The following RBPJ variants were observed in gnomAD, a reference collection of about 807,000 sequenced individuals.
RBPJ encodes recombining binding protein suppressor of hairless.
A neutral mutation model predicts 67.8 loss-of-function variants in RBPJ; 9 were observed. The observed-to-expected ratio is 0.13, with a 90% CI of 0.08 to 0.23. The LOEUF (loss-of-function observed/expected upper bound fraction) is 0.23. Among genes scored for constraint, RBPJ ranks in the 10% least tolerant of loss-of-function variants. The pLI, the probability that RBPJ is intolerant of heterozygous loss-of-function variation, is 1.00. For synonymous variants in RBPJ, 198 were observed against 203.3 expected (o/e 0.97, Z 0.22); for missense variants, 305 against 595.6 (o/e 0.51, Z 5.08).
chr4:26,233,701 T>C (rs1719365129), intron 1 of RBPJ, among the ~76,000 whole-genome samples: 1 of 152,236 alleles, frequency 6.6e-6, no homozygotes, highest in African/African-American at 2.4e-5. Context: ...TATATGCCGT[T>C]ATGCAAAGCA....
In RBPJ at chr4:26,341,632, AC is replaced by A. The variant is rs200226544; in HGVS notation, c.20+20585del. Among the ~76,000 whole-genome samples the A allele has an allele frequency of 4.1e-3, 617 of 150,576 alleles. 5 individuals carry two copies. The highest frequency in any genetic ancestry group is 0.01 in the African/African-American group (421 of 40,978). Reference sequence around the variant, plus strand: ...CCATCTCAAAACAAAACAAAACAAAACAAAAAAAAACCAAACGAAAACAAAA... The same window carrying A: ...CCATCTCAAAACAAAACAAAACAAAAAAAAAAAAACCAAACGAAAACAAAA... On this transcript the variant is annotated intron_variant, in intron 1 of 10. Transcript: ENST00000355476.
upstream of RBPJ, chr4:26,320,917 G>A (rs185848565): frequency 9.8e-4 from 1,567 of 1,602,824 alleles, 25 homozygotes; most frequent in Admixed American, 0.025. Flanking sequence ...GAGCGCGGGG[G>A]CTGGGTGGAA....
intron 1 of RBPJ, among the ~76,000 whole-genome samples, chr4:26,283,150 C>T (rs1421855421): frequency 2.1e-5 from 3 of 146,000 alleles, no homozygotes; most frequent in African/African-American, 5.0e-5. Flanking sequence ...AGGATGGTGT[C>T]GATCTCCTGA....
At chr4:26,199,497 G>A (rs1000068664) in intron 1 of RBPJ, among the ~76,000 whole-genome samples, 2 of 152,194 alleles carry the variant, frequency 1.3e-5, no homozygotes, top group African/African-American at 2.4e-5. Flanking sequence ...ACAAAACAGT[G>A]TTGGAACACA....
At chr4:26,351,062 T>C (rs1330193288) in intron 1 of RBPJ, among the ~76,000 whole-genome samples, 2 of 152,056 alleles carry the variant, frequency 1.3e-5, no homozygotes, top group South Asian at 4.1e-4. Flanking sequence ...CACTATATTA[T>C]ATACGTTATA....
chr4:26,202,969 ATAAG>A (rs1271845522), intron 1 of RBPJ, among the ~76,000 whole-genome samples: 1 of 41,324 alleles, frequency 2.4e-5, no homozygotes, highest in Non-Finnish European at 4.8e-5. Context: ...AAGGAAGGAA[ATAAG>A]GAAGGAAGGA....
Position 26,270,427 on chromosome 4 carries a change from AAGAAAGAAAGAAGAAAGAAAGAAAGAAAG to A in RBPJ, c.-166-92017_-166-91989del, listed in dbSNP as rs1720871150. On this transcript the variant is annotated intron_variant, in intron 1 of 4. Coordinates refer to the RBPJ transcript ENST00000512351. ...AAAGAAAGAAAGAAAGAAAGAAAGA[AAGAAAGAAAGAAGAAAGAAAGAAAGAAAG>A]AAAAGAAAAGGAAAGAAAGATGAAA... Among the ~76,000 whole-genome samples the A allele has an allele frequency of 3.3e-5, 2 of 60,164 alleles. 1 individual carries two copies. Among genetic ancestry groups the A allele is most frequent in the Non-Finnish European group, 8.9e-5 (2 of 22,526 alleles). 39.5% of individuals were successfully genotyped at this position (60,164 alleles called of 152,430 possible). A position where few individuals can be genotyped will look rare whatever the true frequency, so the allele number is the denominator to read the frequency against.
At chr4:26,334,047 C>CT (rs1290572987) in intron 1 of RBPJ, among the ~76,000 whole-genome samples, 4,654 of 142,678 alleles carry the variant, frequency 0.033, 198 homozygotes, top group African/African-American at 0.097. Flanking sequence ...TCTGCCTTTT[C>CT]TTTTTTTTTT....
At chr4:26,293,317 TTTTTA>T (rs1721736231) in intron 1 of RBPJ, among the ~76,000 whole-genome samples, 1 of 150,314 alleles carries the variant, frequency 6.7e-6, no homozygotes, top group African/African-American at 2.5e-5. Flanking sequence ...TTCCTTTTTT[TTTTTA>T]TTTTGTTTAT....
At chr4:26,333,967 C>T (rs1030461178) in intron 1 of RBPJ, among the ~76,000 whole-genome samples, 1 of 151,972 alleles carries the variant, frequency 6.6e-6, no homozygotes, top group Non-Finnish European at 1.5e-5. Context: ...GTACATGGCT[C>T]GGACATAATT....
Position 26,338,951 on chromosome 4 carries a change from T to C in RBPJ, c.20+17903T>C, listed in dbSNP as rs181295477. Reference sequence around the variant, plus strand: ...ACTGCAGTCTCAACCTCCTGAGTAGTTGGAACTACAGCTGTGCGCCACCAT... The same window carrying C: ...ACTGCAGTCTCAACCTCCTGAGTAGCTGGAACTACAGCTGTGCGCCACCAT... On this transcript the variant is annotated intron_variant, in intron 1 of 10. Coordinates refer to ENST00000355476, the MANE Select transcript of RBPJ (RefSeq NM_015874.6). 2.1e-3 allele frequency among the ~76,000 whole-genome samples: 312 copies of C among 151,616 alleles called. 3 individuals carry two copies. Among genetic ancestry groups the C allele is most frequent in the African/African-American group, 7.4e-3 (304 of 41,290 alleles).
Position 26,424,099 on chromosome 4 carries a change from ACT to A in RBPJ, c.497-242_497-241del, listed in dbSNP as rs1172784952. On this transcript the variant is annotated intron_variant, in intron 5 of 10. Transcript: ENST00000355476. This position sits in a 1 kb window ranked among gnomAD's most constrained non-coding sequence, Gnocchi z 5.3. ...TAATAATCAGCACCACATTAAACATACTGTGTAGCTTTCACTTTAAAATTATT... is the reference window on the plus strand; with the variant it reads ...TAATAATCAGCACCACATTAAACATAGTGTAGCTTTCACTTTAAAATTATT... Among the ~76,000 whole-genome samples the A allele has an allele frequency of 6.6e-6, 1 of 152,248 alleles. No homozygotes were observed. Among genetic ancestry groups the A allele is most frequent in the African/African-American group, 2.4e-5 (1 of 41,466 alleles).
chr4:26,205,073 G>T lies in RBPJ; in HGVS notation c.-167+41459G>T, dbSNP rs565915528. 7.2e-5 allele frequency among the ~76,000 whole-genome samples: 11 copies of T among 152,300 alleles called. No homozygotes were observed. The South Asian group carries it at 2.3e-3, about 32-fold the overall frequency. On this transcript the variant is annotated intron_variant, in intron 1 of 4. Coordinates refer to the RBPJ transcript ENST00000512351. Reference sequence around the variant, plus strand: ...GGAGCAGAGTTACGACTGCAGGATGGGGGAGGGGCTCAGTTAAGGGCCCAG... The same window carrying T: ...GGAGCAGAGTTACGACTGCAGGATGTGGGAGGGGCTCAGTTAAGGGCCCAG...
At chr4:26,126,132 C>T in the RBPJ span, among the ~76,000 whole-genome samples, 79 of 152,286 alleles carry the variant, frequency 5.2e-4, 2 homozygotes, top group Admixed American at 3.7e-3. Context: ...GTATTCAATT[C>T]CTTGAATGGA....
intron 1 of RBPJ, among the ~76,000 whole-genome samples, chr4:26,211,327 AG>A (rs1308920403): frequency 1.3e-5 from 2 of 152,214 alleles, no homozygotes; most frequent in East Asian, 3.8e-4. Context: ...CCCCAAAGAC[AG>A]TACTGTGTCG....
At chr4:26,299,453 G>T (rs1163327310) in intron 1 of RBPJ, among the ~76,000 whole-genome samples, 1 of 151,952 alleles carries the variant, frequency 6.6e-6, no homozygotes, top group Non-Finnish European at 1.5e-5. Flanking sequence ...TAATGTTTCA[G>T]TTTCAGTTTT....
At chr4:26,233,217 G>A (rs1719346139) in intron 1 of RBPJ, among the ~76,000 whole-genome samples, 1 of 152,196 alleles carries the variant, frequency 6.6e-6, no homozygotes, top group Admixed American at 6.5e-5. Context: ...ATAAGAGAAT[G>A]TATGGAGCTA....
At chr4:26,285,099 C>A (rs1428468970) in intron 1 of RBPJ, among the ~76,000 whole-genome samples, 13 of 151,832 alleles carry the variant, frequency 8.6e-5, no homozygotes, top group Admixed American at 8.5e-4. Flanking sequence ...TTGTGATCCG[C>A]CCACCTCGGC....
intron 1 of RBPJ, among the ~76,000 whole-genome samples, chr4:26,222,287 A>G (rs2109192672): frequency 6.6e-6 from 1 of 152,230 alleles, no homozygotes; most frequent in East Asian, 1.9e-4. Flanking sequence ...TGAGGTCAGG[A>G]GTTCGAGACC....
Sources: gnomAD v4.1 joint callset for allele counts (sites outside exome capture counted in the v4.1 genomes callset) on GRCh38, gnomAD v4.1.1 for gene constraint, Gnocchi (gnomAD v3.1) non-coding constraint, MANE v1.5 for transcripts, NCBI Gene and HGNC (gene_info 2026-07-23, HGNC 2026-07-21) for gene names.